The following ABCC2 variants were observed in gnomAD, a reference collection of about 807,000 sequenced individuals.
ABCC2 encodes the protein ATP-binding cassette sub-family C member 2.
Under a neutral mutation model 173.4 loss-of-function variants are expected in ABCC2, and 157 were observed. That is an observed-to-expected ratio of 0.91 (90% CI 0.80 to 1.03). ABCC2 has a LOEUF of 1.03. Among genes scored for constraint, ABCC2 ranks in the 50% least tolerant of loss-of-function variants. The pLI, the probability that ABCC2 is intolerant of heterozygous loss-of-function variation, is 0.00. For synonymous variants in ABCC2, 657 were observed against 693.5 expected, an observed-to-expected ratio of 0.95 and a Z score of 0.83; for missense variants, 1,822 against 1,852.3, an observed-to-expected ratio of 0.98 and a Z score of 0.30.
Position 99,846,983 on chromosome 10 carries a change from G to A in ABCC2, c.4169G>A (p.Ser1390Asn). The A allele has an allele frequency of 1.9e-6, 3 of 1,614,176 alleles. No homozygotes were observed. The highest frequency in any genetic ancestry group is 2.5e-6 in the Non-Finnish European group (3 of 1,180,030). The part of the protein sequence containing the change: ...IPQDPILFSG[S>N]LRMNLDPFNN... ...CAGGACCCCATCCTGTTCTCTGGAA[G>A]CCTGAGGATGAATCTCGACCCTTTC... The change falls in exon 30 of 32, where the codon AGC (serine) becomes AAC (asparagine). Residue 1390 changes from serine to asparagine, a missense_variant. Ser to Asn is a conservative substitution (Grantham distance 46). Transcript: ENST00000647814.
Position 99,814,468 on chromosome 10 carries a change from T to TATGTGTGTATATACATATACACA in ABCC2, c.2094+1341_2094+1342insTACACAATGTGTGTATATACATA, listed in dbSNP as rs1202024162. ...ATATGTGTGTATATACATACACACA[T>TATGTGTGTATATACATATACACA]ATGTGTGTATATACATACACACAAA... On this transcript the variant is annotated intron_variant, in intron 16 of 31. Transcript: ENST00000647814. Among the ~76,000 whole-genome samples, 73 of 14,838 alleles carry TATGTGTGTATATACATATACACA rather than the reference T, an allele frequency of 4.9e-3. 2 individuals carry two copies. The highest frequency in any genetic ancestry group is 5.6e-3 in the Non-Finnish European group (49 of 8,782). 9.7% of individuals were successfully genotyped at this position (14,838 alleles called of 152,430 possible). A position where few individuals can be genotyped will look rare whatever the true frequency, so the allele number is the denominator to read the frequency against.
Position 99,793,534 on chromosome 10 carries a change from T to C in ABCC2, c.334-17T>C. 1 of 1,614,056 alleles carries C rather than the reference T, an allele frequency of 6.2e-7. No individual in the cohort carries two copies. ...AGTGGCAGTATTCTTCAGAACATCA[T>C]GTGAATTTCTCTCCAGCTCCTGGTT... On this transcript the variant is annotated splice_polypyrimidine_tract_variant and intron_variant, in intron 3 of 31. Coordinates refer to ENST00000647814, the MANE Select transcript of ABCC2 (RefSeq NM_000392.5).
intron 16 of ABCC2, among the ~76,000 whole-genome samples, chr10:99,815,999 CAG>C (rs2038402201): frequency 6.8e-6 from 1 of 147,408 alleles, no homozygotes; most frequent in African/African-American, 2.5e-5. Flanking sequence ...GACGGAGTCT[CAG>C]TCTGTCACCC....
At chr10:99,850,825 G>C in intron 31 of ABCC2, 29 bp downstream of exon 31, 2 of 1,613,052 alleles carry the variant, frequency 1.2e-6, no homozygotes, top group Non-Finnish European at 1.7e-6. Flanking sequence ...GGCTTGACAC[G>C]GATGGCTTAA....
At position 99,804,205 on chromosome 10, in the gene ABCC2, G is replaced by A. The variant is rs2038060213; in HGVS notation, c.1396G>A (p.Gly466Ser). ...AGAGTTGGGACCCTCAGTCTTAGCA[G>A]GTGTTGGGGTGATGGTGCTTGTAAT... ...WRELGPSVLA[G>S]VGVMVLVIPI... is the part of the protein sequence containing the mutation. The change falls in exon 10 of 32, where the codon GGT becomes AGT. Residue 466 changes from glycine (G) to serine (S), a missense_variant. Transcript: ENST00000647814. 6.2e-7 allele frequency: 1 copy of A among 1,614,032 alleles called. No individual in the cohort carries two copies. The highest frequency in any genetic ancestry group is 1.1e-5 in the South Asian group (1 of 91,068).
Position 99,814,336 on chromosome 10 carries a change from TGTATATATACACAC to T in ABCC2, c.2094+1197_2094+1210del, listed in dbSNP as rs1454185112. 3.7e-5 allele frequency among the ~76,000 whole-genome samples: 5 copies of T among 135,218 alleles called. 2 individuals are homozygous for T. Among genetic ancestry groups the T allele is most frequent in the Non-Finnish European group, 7.9e-5 (5 of 63,306 alleles). The allele number at this position is 135,218 out of a possible 152,430, so 88.7% of individuals were successfully genotyped here. ...ATATACACACGTATGTATACACACA[TGTATATATACACAC>T]GTATGTATACACACATGTATATATA... is the stretch of plus-strand genomic sequence containing the variant. On this transcript the variant is annotated intron_variant, in intron 16 of 31. Transcript: ENST00000647814.
chr10:99,791,974 C>G (rs542869254), intron 2 of ABCC2, among the ~76,000 whole-genome samples: 15 of 152,298 alleles, frequency 9.8e-5, no homozygotes, highest in Non-Finnish European at 1.6e-4. Flanking sequence ...AAGCTCTGCT[C>G]TTTGAAGAGA....
At chr10:99,813,688 T>A (rs1036194920) in intron 16 of ABCC2, among the ~76,000 whole-genome samples, 2 of 151,734 alleles carry the variant, frequency 1.3e-5, no homozygotes, top group African/African-American at 4.8e-5. Context: ...CCAGCCTGAG[T>A]GACAGAGAGA....
chr10:99,783,401 A>G (rs899868492), intron 1 of ABCC2, among the ~76,000 whole-genome samples: 1 of 152,326 alleles, frequency 6.6e-6, no homozygotes, highest in Admixed American at 6.5e-5. Context: ...AAGGAAAAGA[A>G]GAGACACCAC....
At chr10:99,834,275 C>T (rs2133120170) in intron 23 of ABCC2, 105 bp from the exon 24 acceptor site, 1 of 1,174,280 alleles carries the variant, frequency 8.5e-7, no homozygotes, top group Non-Finnish European at 1.3e-6. Flanking sequence ...TGAAGGAGTA[C>T]TGGGAACACA....
chr10:99,814,618 CATAT>C lies in ABCC2; in HGVS notation c.2094+1476_2094+1479del, dbSNP rs1262452088. Among the ~76,000 whole-genome samples, 60 of 91,836 alleles carry C rather than the reference CATAT, an allele frequency of 6.5e-4. 14 individuals carry two copies. The highest frequency in any genetic ancestry group is 2.8e-3 in the African/African-American group (56 of 20,044). The allele number at this position is 91,836 out of a possible 152,430, so 60.2% of individuals were successfully genotyped here. A position where few individuals can be genotyped will look rare whatever the true frequency, so the allele number is the denominator to read the frequency against. On this transcript the variant is annotated intron_variant, in intron 16 of 31. Coordinates refer to ENST00000647814, the MANE Select transcript of ABCC2 (RefSeq NM_000392.5). Reference sequence around the variant, plus strand: ...ATACACACACATATGTGTATATACACATATACACACATATGTGTATATACACATA... The same window carrying C: ...ATACACACACATATGTGTATATACACACACACATATGTGTATATACACATA...
Position 99,841,965 on chromosome 10 carries a change from A to T in ABCC2, c.3615-2A>T. 3 of 1,614,160 alleles carry T rather than the reference A, an allele frequency of 1.9e-6. No individual in the cohort carries two copies. Among genetic ancestry groups the T allele is most frequent in the Middle Eastern group, 1.6e-4 (1 of 6,062 alleles). ...GCACTCTCTGGTTCTGTTGCCCCAC[A>T]GGTGGCTTGCAATTCGCCTGGAGCT... On this transcript the variant is annotated splice_acceptor_variant, in intron 25 of 31. Coordinates refer to ENST00000647814, the MANE Select transcript of ABCC2 (RefSeq NM_000392.5). LOFTEE classifies it high-confidence loss of function.
At chr10:99,829,200 G>A (rs1277683736) in intron 19 of ABCC2, among the ~76,000 whole-genome samples, 2 of 152,164 alleles carry the variant, frequency 1.3e-5, no homozygotes, top group Non-Finnish European at 2.9e-5. Context: ...TGGGGTTTTT[G>A]GGAGCATTCT....
intron 13 of ABCC2, among the ~76,000 whole-genome samples, chr10:99,809,528 G>A (rs2038172856): frequency 6.6e-6 from 1 of 152,208 alleles, no homozygotes; most frequent in African/African-American, 2.4e-5. Context: ...AGCCTGGGTG[G>A]CAATGAAAAA....
intron 21 of ABCC2, 42 bp from the exon 22 acceptor site, chr10:99,831,569 C>T (rs1297992463): frequency 1.9e-6 from 3 of 1,575,176 alleles, no homozygotes; most frequent in Non-Finnish European, 2.6e-6. Flanking sequence ...TTATCAAAAG[C>T]CATTAGGGAG....
At chr10:99,797,042 A>T (rs538406110) in intron 6 of ABCC2, 55 bp from the exon 7 acceptor site, 1 of 1,486,180 alleles carries the variant, frequency 6.7e-7, no homozygotes, top group Non-Finnish European at 9.4e-7. Context: ...GAAGTGGTGG[A>T]GATAGCCTCT....
At chr10:99,809,182 A>G (rs1426442882) in intron 13 of ABCC2, among the ~76,000 whole-genome samples, 1 of 152,014 alleles carries the variant, frequency 6.6e-6, no homozygotes, top group Non-Finnish European at 1.5e-5. Context: ...GTGAAACCCC[A>G]TCTCTACTAA....
At chr10:99,807,639 G>T in intron 12 of ABCC2, 118 bp downstream of exon 12, 1 of 1,453,532 alleles carries the variant, frequency 6.9e-7, no homozygotes, top group East Asian at 2.3e-5. Flanking sequence ...GCAAGATCCA[G>T]GGGACTTGTC....
intron 14 of ABCC2, among the ~76,000 whole-genome samples, chr10:99,811,024 C>CA (rs373993067): frequency 0.012 from 1,731 of 141,440 alleles, 31 homozygotes; most frequent in African/African-American, 0.04. Flanking sequence ...AACTCCATCT[C>CA]AAAAAAAAAA....
Sources: gnomAD v4.1 joint callset for allele counts (sites outside exome capture counted in the v4.1 genomes callset) on GRCh38, gnomAD v4.1.1 for gene constraint, MANE v1.5 for transcripts, NCBI Gene and HGNC (gene_info 2026-07-23, HGNC 2026-07-21) for gene names.